The following STXBP4 variants were observed in gnomAD, a reference collection of about 807,000 sequenced individuals.
The protein encoded by STXBP4 is syntaxin binding protein 4, also known as syntaxin-binding protein 4.
STXBP4 carries 55 observed loss-of-function variants against 76.1 expected under a neutral mutation model. The ratio of observed to expected loss-of-function variants is 0.72; its 90% CI spans 0.58 to 0.91. The LOEUF is 0.91. Among genes scored for constraint, STXBP4 ranks in the 40% least tolerant of loss-of-function variants. The pLI is 0.00. For missense variants in STXBP4, 618 were observed against 636.9 expected (o/e 0.97, Z 0.32); for synonymous variants, 201 against 220.2 (o/e 0.91, Z 0.77).
chr17:55,119,551 G>T (rs1056558998), intron 16 of STXBP4, among the ~76,000 whole-genome samples: 1 of 151,886 alleles, frequency 6.6e-6, no homozygotes, highest in Non-Finnish European at 1.5e-5. Context: ...AAGAACCCTA[G>T]AACTAGAAGA....
At chr17:55,002,814 T>G (rs1486044741) in intron 7 of STXBP4, among the ~76,000 whole-genome samples, 1 of 152,168 alleles carries the variant, frequency 6.6e-6, no homozygotes, top group Non-Finnish European at 1.5e-5. Context: ...TTATGAGGAT[T>G]AAACAAGATC....
In STXBP4 at chr17:55,171,641, A is replaced by T. The variant is rs916536182; in HGVS notation, c.*11730A>T. ...CATGGTGCCATGTACATGGAAACTGACTGCTCTCATGTTACGGGTTGAACT... is the reference window on the plus strand; with the variant it reads ...CATGGTGCCATGTACATGGAAACTGTCTGCTCTCATGTTACGGGTTGAACT... On this transcript the variant is annotated 3_prime_UTR_variant, in exon 18 of 18. Transcript: ENST00000376352. 1 of 152,200 alleles carries T rather than the reference A, an allele frequency of 6.6e-6. No homozygotes were observed. The highest frequency in any genetic ancestry group is 1.5e-5 in the Non-Finnish European group (1 of 68,036). The allele number at this position is 152,200 out of a possible 1,614,324, so 9.4% of individuals were successfully genotyped here.
chr17:55,136,538 G>T (rs554423376), intron 16 of STXBP4, among the ~76,000 whole-genome samples: 38 of 152,124 alleles, frequency 2.5e-4, no homozygotes, highest in African/African-American at 8.4e-4. Flanking sequence ...TACATCTGTT[G>T]TATCTAAGAA....
intron 8 of STXBP4, among the ~76,000 whole-genome samples, chr17:55,024,691 A>G (rs763785302): frequency 9.2e-5 from 14 of 152,258 alleles, no homozygotes; most frequent in Non-Finnish European, 2.1e-4. Flanking sequence ...AATAAATGAT[A>G]GGAGACAGCC....
chr17:55,138,674 T>C (rs1438052145), intron 16 of STXBP4, among the ~76,000 whole-genome samples: 1 of 152,102 alleles, frequency 6.6e-6, no homozygotes, highest in Non-Finnish European at 1.5e-5. Flanking sequence ...TATAAAGATA[T>C]GGTAAATGTA....
intron 16 of STXBP4, among the ~76,000 whole-genome samples, chr17:55,120,103 A>G (rs570618335): frequency 1.3e-5 from 2 of 152,128 alleles, no homozygotes; most frequent in Non-Finnish European, 2.9e-5. Flanking sequence ...TTCTTCCCTT[A>G]TTTTCTGAAA....
At chr17:55,098,154 C>T (rs542763902) in intron 16 of STXBP4, among the ~76,000 whole-genome samples, 23 of 152,034 alleles carry the variant, frequency 1.5e-4, no homozygotes, top group Non-Finnish European at 2.8e-4. Context: ...CTACTAATGT[C>T]GATTTATATG....
chr17:55,164,012 T>G lies in STXBP4; in HGVS notation c.*4101T>G, dbSNP rs2080359865. ...TCTCTGCTAAGTGAAATGCAACTTT[T>G]TGAAGAATCAACACGCTTGACATTT... On this transcript the variant is annotated 3_prime_UTR_variant, in exon 18 of 18. Transcript: ENST00000376352. 1 of 152,666 alleles carries G rather than the reference T, an allele frequency of 6.6e-6. No individual in the cohort carries two copies. Among genetic ancestry groups the G allele is most frequent in the South Asian group, 2.1e-4 (1 of 4,828 alleles). 9.5% of individuals were successfully genotyped at this position (152,666 alleles called of 1,614,324 possible).
intron 10 of STXBP4, 103 bp from the exon 11 acceptor site, chr17:55,043,133 A>AT: frequency 4.2e-6 from 2 of 476,546 alleles, no homozygotes; most frequent in Non-Finnish European, 7.0e-6. Context: ...GAATTTTGTT[A>AT]TTAGAATACA....
intron 4 of STXBP4, among the ~76,000 whole-genome samples, chr17:54,993,724 A>G (rs1038160049): frequency 6.6e-6 from 1 of 152,268 alleles, no homozygotes; most frequent in Non-Finnish European, 1.5e-5. Context: ...TCATAAGGTT[A>G]TCTTAATGAA....
chr17:54,996,566 C>G (rs898623135), intron 4 of STXBP4, among the ~76,000 whole-genome samples: 2 of 152,094 alleles, frequency 1.3e-5, no homozygotes, highest in African/African-American at 4.8e-5. Context: ...GTATAATGTG[C>G]TATAATTTAC....
At chr17:54,975,176 T>A (rs1482641464) in intron 1 of STXBP4, among the ~76,000 whole-genome samples, 1 of 152,218 alleles carries the variant, frequency 6.6e-6, no homozygotes, top group African/African-American at 2.4e-5. Context: ...TCTCACTCTG[T>A]CACCCAGGCT....
rs35073950 is a variant in STXBP4 at position 55,128,925 on chromosome 17, C to CTTT, written c.1490-12364_1490-12362dup. Among the ~76,000 whole-genome samples the CTTT allele has an allele frequency of 6.7e-4, 58 of 86,272 alleles. 1 individual carries two copies. Among genetic ancestry groups the CTTT allele is most frequent in the East Asian group, 1.4e-3 (4 of 2,944 alleles). 56.6% of individuals were successfully genotyped at this position (86,272 alleles called of 152,430 possible). ...CCACTGCGTCCAGCCTGTAAGGATT[C>CTTT]TTTTTTTTTTTTTTTTTTTTTTTGA... On this transcript the variant is annotated intron_variant, in intron 16 of 17. Transcript: ENST00000376352.
At chr17:55,027,171 G>T (rs1407154862) in intron 8 of STXBP4, among the ~76,000 whole-genome samples, 2 of 152,152 alleles carry the variant, frequency 1.3e-5, no homozygotes, top group East Asian at 3.9e-4. Flanking sequence ...CGTGGCCAGA[G>T]AACCACTCTC....
In STXBP4 at chr17:55,101,868, A is replaced by G. The variant is rs1057246276; in HGVS notation, c.1489+20685A>G. ...GTTTGAGACATGTTCAGAGTTAGTA[A>G]ATGCCAAAAGCTTGTCTGATTCCAA... On this transcript the variant is annotated intron_variant, in intron 16 of 17. Coordinates refer to ENST00000376352, the MANE Select transcript of STXBP4 (RefSeq NM_178509.6). Among the ~76,000 whole-genome samples, 4 of 152,186 alleles carry G rather than the reference A, an allele frequency of 2.6e-5. No individual in the cohort carries two copies. In the South Asian group the frequency reaches 8.3e-4, roughly 31 times the overall value.
At chr17:55,181,511 G>A in the STXBP4 span, among the ~76,000 whole-genome samples, 2 of 152,128 alleles carry the variant, frequency 1.3e-5, no homozygotes, top group Non-Finnish European at 2.9e-5. Context: ...CACAGCCCAA[G>A]CCTGAACTGC....
chr17:55,078,844 A>T (rs536978719), intron 15 of STXBP4, 109 bp downstream of exon 15: 8,419 of 674,782 alleles, frequency 0.012, 97 homozygotes, highest in South Asian at 0.033. Flanking sequence ...AAGGTGCTAC[A>T]TAACTCCCAT....
chr17:55,032,571 A>G lies in STXBP4; in HGVS notation c.763+1307A>G, dbSNP rs915363110. On this transcript the variant is annotated intron_variant, in intron 9 of 17. Transcript: ENST00000376352. ...GGATATTAAAACAGGATTGTTGGAA[A>G]TCTTTATAAGGAGAATTATGCATGC... Among the ~76,000 whole-genome samples the G allele has an allele frequency of 2.6e-5, 4 of 152,250 alleles. No homozygotes were observed. In the South Asian group the frequency reaches 8.3e-4, roughly 32 times the overall value.
chr17:55,151,325 C>T (rs1383860717), intron 17 of STXBP4, among the ~76,000 whole-genome samples: 2 of 152,122 alleles, frequency 1.3e-5, no homozygotes. Flanking sequence ...ATTGTAAAAA[C>T]TGTAGAGAAA....
Sources: allele counts gnomAD v4.1 joint callset (sites outside exome capture counted in the v4.1 genomes callset), GRCh38; gene constraint gnomAD v4.1.1; transcripts MANE v1.5; gene names NCBI Gene and HGNC (gene_info 2026-07-23, HGNC 2026-07-21).